Variants in STK17A observed in about 807,000 individuals in gnomAD.
The protein encoded by STK17A is serine/threonine kinase 17a, also known as serine/threonine-protein kinase 17A.
In STK17A, 26 loss-of-function variants were observed where a neutral mutation model predicts 43.7. The observed-to-expected ratio is 0.60, with a 90% CI of 0.44 to 0.83. STK17A has a LOEUF of 0.83. Ranked by LOEUF, STK17A falls within the 40% of genes least tolerant of loss-of-function variation. The pLI is 0.00. For synonymous variants in STK17A, 191 were observed against 182.5 expected (o/e 1.05, Z -0.38); for missense variants, 476 against 511.6 (o/e 0.93, Z 0.67).
At position 43,584,298 on chromosome 7, in the gene STK17A, G is replaced by A. The variant is rs541545893; in HGVS notation, c.206+849G>A. 4.6e-5 allele frequency among the ~76,000 whole-genome samples: 7 copies of A among 152,226 alleles called. No homozygotes were observed. The East Asian group carries it at 1.2e-3, about 25-fold the overall frequency. On this transcript the variant is annotated intron_variant, in intron 1 of 6. Transcript: ENST00000319357. ...AAGTTGTTAAATACTCTGGCTTTGG[G>A]GGCAGACCTGAGTTCATATTCGTGC...
chr7:43,585,410 T>C (rs751250462), intron 1 of STK17A, among the ~76,000 whole-genome samples: 6 of 151,410 alleles, frequency 4.0e-5, no homozygotes, highest in Non-Finnish European at 7.4e-5. Context: ...TTAAACTCCA[T>C]TATAAAATTA....
chr7:43,595,491 T>C (rs576532537), intron 1 of STK17A, among the ~76,000 whole-genome samples: 2 of 152,024 alleles, frequency 1.3e-5, no homozygotes, highest in African/African-American at 4.8e-5. Flanking sequence ...TTTGGCCAGG[T>C]TGGTCCAGAA....
chr7:43,613,371 C>T (rs1173410652), intron 3 of STK17A, among the ~76,000 whole-genome samples: 1 of 152,140 alleles, frequency 6.6e-6, no homozygotes, highest in Non-Finnish European at 1.5e-5. Flanking sequence ...TTAAAGTTTA[C>T]AGGAGGATGT....
chr7:43,605,332 G>T (rs2152972115), intron 2 of STK17A, among the ~76,000 whole-genome samples: 1 of 152,290 alleles, frequency 6.6e-6, no homozygotes, highest in Middle Eastern at 3.4e-3. Flanking sequence ...TTGTAGATCA[G>T]TTTGGTTAGG....
chr7:43,592,814 C>T (rs1001851438), intron 1 of STK17A, among the ~76,000 whole-genome samples: 1 of 151,926 alleles, frequency 6.6e-6, no homozygotes, highest in Non-Finnish European at 1.5e-5. Context: ...TGCAGTGAGC[C>T]GAGATCGTGC....
chr7:43,606,888 T>C (rs986062394), intron 2 of STK17A, among the ~76,000 whole-genome samples: 1 of 150,434 alleles, frequency 6.6e-6, no homozygotes, highest in African/African-American at 2.4e-5. Context: ...GTCATCTTAA[T>C]GGTCACTCAA....
In STK17A at chr7:43,595,289, C is replaced by CTTTTT. The variant is rs1379359635; in HGVS notation, c.207-612_207-611insTTTTT. The stretch of plus-strand genomic sequence containing the variant: ...TGGCTTTTTTTTTTTTTTTTTTTTC[C>CTTTTT]CCCCTGGAGACAGAGTCTCACTCTG... On this transcript the variant is annotated intron_variant, in intron 1 of 6. Transcript: ENST00000319357. Among the ~76,000 whole-genome samples, 24 of 77,834 alleles carry CTTTTT rather than the reference C, an allele frequency of 3.1e-4. 1 individual carries two copies. Among genetic ancestry groups the CTTTTT allele is most frequent in the South Asian group, 3.5e-4 (1 of 2,854 alleles). The allele number at this position is 77,834 out of a possible 152,430, so 51.1% of individuals were successfully genotyped here.
At chr7:43,621,033 G>A (rs917712915) in intron 4 of STK17A, among the ~76,000 whole-genome samples, 19 of 152,280 alleles carry the variant, frequency 1.2e-4, no homozygotes, top group Non-Finnish European at 2.2e-4. Flanking sequence ...TGTAGTTCTT[G>A]AAGGACTGAG....
intron 1 of STK17A, among the ~76,000 whole-genome samples, chr7:43,592,535 A>G (rs1246992317): frequency 6.6e-6 from 1 of 152,114 alleles, no homozygotes; most frequent in Non-Finnish European, 1.5e-5. Flanking sequence ...AGAATGCTAG[A>G]TCAAAGCCTA....
At chr7:43,619,769 T>C in intron 4 of STK17A, 46 bp downstream of exon 4, 1 of 1,599,204 alleles carries the variant, frequency 6.3e-7, no homozygotes, top group Non-Finnish European at 8.5e-7. Flanking sequence ...AGGCATCACC[T>C]TCATTAGGGG....
chr7:43,622,091 G>A (rs963911023), intron 4 of STK17A, among the ~76,000 whole-genome samples: 1 of 152,152 alleles, frequency 6.6e-6, no homozygotes, highest in African/African-American at 2.4e-5. Flanking sequence ...CCTTAAACCA[G>A]TATTCAGCAC....
In STK17A at chr7:43,583,136, G is replaced by T. The variant is rs1031386341; in HGVS notation, c.-108G>T. ...GTCCGAGCGCCGCGCTGGGGAGAGC[G>T]GGTGTTTGAAGGCTCCGCGGACCGG... On this transcript the variant is annotated 5_prime_UTR_variant, in exon 1 of 7. Coordinates refer to ENST00000319357, the MANE Select transcript of STK17A (RefSeq NM_004760.3). 2.5e-6 allele frequency: 3 copies of T among 1,196,310 alleles called. No individual in the cohort carries two copies. Among genetic ancestry groups the T allele is most frequent in the Admixed American group, 5.1e-5 (2 of 39,274 alleles). 74.1% of individuals were successfully genotyped at this position (1,196,310 alleles called of 1,614,324 possible).
chr7:43,617,098 G>A (rs2083426910), intron 3 of STK17A, among the ~76,000 whole-genome samples: 1 of 152,218 alleles, frequency 6.6e-6, no homozygotes, highest in Non-Finnish European at 1.5e-5. Context: ...AGCATGGCAA[G>A]TATGAGACTG....
chr7:43,619,576 C>T (rs769242964), intron 3 of STK17A, 21 bp from the exon 4 acceptor site: 13 of 1,605,522 alleles, frequency 8.1e-6, no homozygotes, highest in East Asian at 2.2e-5. Flanking sequence ...TTGATTTTTG[C>T]GGGGGTGTAT....
At chr7:43,596,140 T>A (rs1367010005) in intron 2 of STK17A, 27 bp downstream of exon 2, 1 of 1,587,784 alleles carries the variant, frequency 6.3e-7, no homozygotes, top group South Asian at 1.1e-5. Context: ...TTAGATTAAG[T>A]TTGTTTGGTA....
intron 2 of STK17A, among the ~76,000 whole-genome samples, chr7:43,604,271 AGT>A (rs1198995041): frequency 6.6e-6 from 1 of 152,156 alleles, no homozygotes; most frequent in Non-Finnish European, 1.5e-5. Flanking sequence ...TTAGTCCAGG[AGT>A]GTGAGATTCC....
intron 3 of STK17A, among the ~76,000 whole-genome samples, chr7:43,614,059 A>G (rs762873155): frequency 6.6e-6 from 1 of 152,206 alleles, no homozygotes; most frequent in Non-Finnish European, 1.5e-5. Context: ...TTAATATACT[A>G]GAACTTTAAT....
At chr7:43,607,449 A>T (rs1309491786) in intron 2 of STK17A, among the ~76,000 whole-genome samples, 1 of 151,812 alleles carries the variant, frequency 6.6e-6, no homozygotes, top group South Asian at 2.1e-4. Flanking sequence ...GGAGATCGAG[A>T]TCATCCTGGC....
intron 2 of STK17A, among the ~76,000 whole-genome samples, chr7:43,606,916 C>A (rs201189240): frequency 1.6e-5 from 1 of 62,638 alleles, no homozygotes; most frequent in Non-Finnish European, 2.7e-5. Flanking sequence ...TTTCGATTTT[C>A]TTTTTTTTTT....
Sources: allele counts gnomAD v4.1 joint callset (sites outside exome capture counted in the v4.1 genomes callset), GRCh38; gene constraint gnomAD v4.1.1; transcripts MANE v1.5; gene names NCBI Gene and HGNC (gene_info 2026-07-23, HGNC 2026-07-21).